RBFOX1: variants seen among roughly 807,000 people sequenced by gnomAD.
The protein encoded by RBFOX1 is RNA binding fox-1 homolog 1, also known as RNA binding protein fox-1 homolog 1.
In RBFOX1, 8 loss-of-function variants were observed where a neutral mutation model predicts 57.7. The observed-to-expected ratio is 0.14, with a 90% CI of 0.08 to 0.25. The LOEUF (loss-of-function observed/expected upper bound fraction) is 0.25. RBFOX1 is among the 10% of genes least tolerant of loss of function. The pLI is 1.00. For synonymous variants in RBFOX1, 326 were observed against 222.4 expected (o/e 1.47, Z -4.15); for missense variants, 611 against 548.5 (o/e 1.11, Z -1.14).
In RBFOX1 at chr16:7,597,849, A is replaced by G. The variant is rs138661965; in HGVS notation, c.622+418A>G. Among the ~76,000 whole-genome samples, 480 of 152,302 alleles carry G rather than the reference A, an allele frequency of 3.2e-3. 2 individuals are homozygous for G. The highest frequency in any genetic ancestry group is 9.0e-3 in the Admixed American group (138 of 15,306). On this transcript the variant is annotated intron_variant, in intron 9 of 15. Transcript: ENST00000550418. ...TTTATTCTGTCTTTGAGTCTTCTCCAGAGAGATTAGTCATTTGAAGTGGTT... is the reference window on the plus strand; with the variant it reads ...TTTATTCTGTCTTTGAGTCTTCTCCGGAGAGATTAGTCATTTGAAGTGGTT...
intron 4 of RBFOX1, among the ~76,000 whole-genome samples, chr16:7,375,533 T>G (rs901019085): frequency 1.3e-5 from 2 of 151,758 alleles, no homozygotes; most frequent in African/African-American, 2.4e-5. Context: ...TCATCAGATG[T>G]TTTGGGTGTT....
chr16:6,622,041 A>G (rs2098240615), intron 2 of RBFOX1, among the ~76,000 whole-genome samples: 1 of 152,166 alleles, frequency 6.6e-6, no homozygotes, highest in African/African-American at 2.4e-5. Flanking sequence ...CCTGAGAGTG[A>G]TGTGTTGGTT....
chr16:5,743,236 C>G (rs1429872328), intron 3 of RBFOX1, among the ~76,000 whole-genome samples: 1 of 152,186 alleles, frequency 6.6e-6, no homozygotes, highest in Non-Finnish European at 1.5e-5. Context: ...GAACACTACT[C>G]ACATCCCAGG....
upstream of RBFOX1, among the ~76,000 whole-genome samples, chr16:6,017,490 T>TATC (rs531273987): frequency 4.0e-4 from 61 of 152,296 alleles, no homozygotes; most frequent in Admixed American, 2.2e-3. Context: ...TTCATTTTGC[T>TATC]ATCACTGAAG....
chr16:5,393,805 C>T (rs1342095010), intron 1 of RBFOX1, among the ~76,000 whole-genome samples: 1 of 152,112 alleles, frequency 6.6e-6, no homozygotes, highest in East Asian at 1.9e-4. Flanking sequence ...CAACCATCAC[C>T]ACCATCCATC....
At chr16:5,925,044 A>G (rs1467188943) in intron 4 of RBFOX1, among the ~76,000 whole-genome samples, 4 of 152,122 alleles carry the variant, frequency 2.6e-5, no homozygotes, top group African/African-American at 9.7e-5. Context: ...TAGCACAGAC[A>G]CCTACTGAAG....
rs968709131 is a variant in RBFOX1, at chr16:7,708,533, T to G, written c.996-523T>G. On this transcript the variant is annotated intron_variant, in intron 14 of 15. Transcript: ENST00000550418. Reference sequence around the variant, plus strand: ...TGGGAATGGGGGTCCCACAGACCCTTTAAGGCTGCTTCCATTCAAATATAC... The same window carrying G: ...TGGGAATGGGGGTCCCACAGACCCTGTAAGGCTGCTTCCATTCAAATATAC... Among the ~76,000 whole-genome samples, 7 of 152,276 alleles carry G rather than the reference T, an allele frequency of 4.6e-5. No individual in the cohort carries two copies. In the East Asian group the frequency reaches 7.7e-4, roughly 17 times the overall value.
intron 4 of RBFOX1, among the ~76,000 whole-genome samples, chr16:7,078,856 T>C (rs2058710656): frequency 7.6e-6 from 1 of 132,240 alleles, no homozygotes; most frequent in East Asian, 2.4e-4. Context: ...CTAATTTATA[T>C]ATATACCTTT....
At chr16:7,328,691 G>C (rs1568232066) in intron 4 of RBFOX1, 1 of 150,398 alleles carries the variant, frequency 6.6e-6, no homozygotes, top group South Asian at 2.1e-4. Flanking sequence ...CTAAGAAAAA[G>C]CAAAATCCTT....
intron 4 of RBFOX1, among the ~76,000 whole-genome samples, chr16:7,466,148 T>C (rs1178235507): frequency 2.6e-5 from 4 of 152,162 alleles, no homozygotes; most frequent in Admixed American, 6.5e-5. Context: ...ACCATCTGGG[T>C]CAGCAATAGG....
chr16:6,552,391 T>C (rs1468114683), intron 2 of RBFOX1, among the ~76,000 whole-genome samples: 3 of 152,218 alleles, frequency 2.0e-5, no homozygotes, highest in Admixed American at 2.0e-4. Flanking sequence ...GGCTAGTCTC[T>C]GTAGTTCTCA....
At chr16:5,320,812 G>C (rs1416666582) in intron 1 of RBFOX1, among the ~76,000 whole-genome samples, 1 of 152,174 alleles carries the variant, frequency 6.6e-6, no homozygotes, top group African/African-American at 2.4e-5. Flanking sequence ...GGGGGCTCCA[G>C]GGAGTTTCCA....
intron 10 of RBFOX1, among the ~76,000 whole-genome samples, chr16:7,608,388 C>G (rs138446966): frequency 2.6e-5 from 4 of 152,332 alleles, no homozygotes; most frequent in African/African-American, 9.6e-5. Flanking sequence ...AAAGGCTCAA[C>G]AGGATAACTG....
intron 3 of RBFOX1, among the ~76,000 whole-genome samples, chr16:5,615,542 G>C (rs2047990784): frequency 6.6e-6 from 1 of 152,208 alleles, no homozygotes; most frequent in African/African-American, 2.4e-5. Context: ...ATTTTGACAA[G>C]GCAGCTGGCT....
intron 4 of RBFOX1, among the ~76,000 whole-genome samples, chr16:7,267,950 C>G (rs1451544171): frequency 6.6e-6 from 1 of 152,198 alleles, no homozygotes; most frequent in African/African-American, 2.4e-5. Context: ...GGGTACCGCT[C>G]TGAGAAACAA....
chr16:5,802,085 T>A (rs1048323248), intron 3 of RBFOX1, among the ~76,000 whole-genome samples: 8 of 152,082 alleles, frequency 5.3e-5, no homozygotes, highest in Non-Finnish European at 1.2e-4. Context: ...GAAGCAGACG[T>A]GTAATAAGCT....
chr16:5,976,001 G>A (rs1024066424), intron 4 of RBFOX1, among the ~76,000 whole-genome samples: 5 of 152,086 alleles, frequency 3.3e-5, no homozygotes, highest in East Asian at 1.9e-4. Context: ...AAAATTAGCC[G>A]GATGTGGTGG....
At chr16:6,300,108 A>G (rs1452463616) in intron 1 of RBFOX1, among the ~76,000 whole-genome samples, 1 of 152,204 alleles carries the variant, frequency 6.6e-6, no homozygotes, top group Non-Finnish European at 1.5e-5. Flanking sequence ...CAAATACTGC[A>G]TTATCTCACT....
At chr16:7,152,574 G>A (rs896490922) in intron 4 of RBFOX1, among the ~76,000 whole-genome samples, 1 of 152,012 alleles carries the variant, frequency 6.6e-6, no homozygotes, top group Non-Finnish European at 1.5e-5. Context: ...TAGGTTCACT[G>A]GATTTCATTT....
Sources: allele counts gnomAD v4.1 joint callset (sites outside exome capture counted in the v4.1 genomes callset), GRCh38; gene constraint gnomAD v4.1.1; transcripts MANE v1.5; gene names NCBI Gene and HGNC (gene_info 2026-07-23, HGNC 2026-07-21).